GRHL2: variants seen among roughly 807,000 people sequenced by gnomAD.
GRHL2 encodes the protein grainyhead-like protein 2 homolog.
GRHL2 carries 21 observed loss-of-function variants against 83.8 expected under a neutral mutation model. The observed-to-expected ratio is 0.25, with a 90% confidence interval of 0.18 to 0.36. The LOEUF (loss-of-function observed/expected upper bound fraction) is 0.36. GRHL2 is among the 10% of genes least tolerant of loss of function. The probability of loss-of-function intolerance (pLI) is 1.00; values close to 1 mark genes in which losing one functional copy is unlikely to be tolerated. For synonymous variants in GRHL2, 280 were observed against 278.9 expected (o/e 1.00, Z -0.04); for missense variants, 623 against 781.8 (o/e 0.80, Z 2.42).
At position 101,534,483 on chromosome 8, in the gene GRHL2, A is replaced by G. The variant is rs570085994; in HGVS notation, c.21-8758A>G. The stretch of plus-strand genomic sequence containing the variant: ...GGAAGCTGCAGAGTTTTATTATCTA[A>G]CTCTGTGGTAATATAATATCACTTC... On this transcript the variant is annotated intron_variant, in intron 1 of 15. Transcript: ENST00000646743. Among the ~76,000 whole-genome samples the G allele has an allele frequency of 2.6e-5, 4 of 151,918 alleles. No homozygotes were observed. The South Asian group carries it at 8.4e-4, about 32-fold the overall frequency.
chr8:101,586,456 A>G (rs986096150), intron 7 of GRHL2, among the ~76,000 whole-genome samples: 2 of 151,830 alleles, frequency 1.3e-5, no homozygotes, highest in Non-Finnish European at 2.9e-5. Context: ...GACATCTCAC[A>G]CCTTGAGACC....
rs114740364 is a variant in GRHL2 at position 101,644,034 on chromosome 8, G to T, written c.1518-97G>T. ...GATCCAGTTACGGAGCATAGGGACG[G>T]TATAAGCAAAGGGAAAGACAGAAAC... On this transcript the variant is annotated intron_variant, in intron 12 of 15. Transcript: ENST00000646743. 390 of 1,063,472 alleles carry T rather than the reference G, an allele frequency of 3.7e-4. 3 individuals carry two copies. The African/African-American group carries it at 5.4e-3, about 15-fold the overall frequency. 65.9% of individuals were successfully genotyped at this position (1,063,472 alleles called of 1,614,324 possible).
intron 4 of GRHL2, among the ~76,000 whole-genome samples, chr8:101,566,594 TTA>T (rs1480317316): frequency 1.4e-5 from 2 of 148,022 alleles, no homozygotes; most frequent in Non-Finnish European, 3.0e-5. Flanking sequence ...AATAATATTA[TTA>T]TATATATTAT....
At position 101,607,462 on chromosome 8, in the gene GRHL2, T is replaced by C. The variant is rs78138082; in HGVS notation, c.1098+8311T>C. 3.9e-5 allele frequency among the ~76,000 whole-genome samples: 6 copies of C among 152,336 alleles called. No homozygotes were observed. In the East Asian group the frequency reaches 1.2e-3, roughly 29 times the overall value. On this transcript the variant is annotated intron_variant, in intron 8 of 15. Transcript: ENST00000646743. The stretch of plus-strand genomic sequence containing the variant: ...CAGTGCTTTTGTCTGGGGAGTTCTC[T>C]TTCTGCTTACAAGACAGTCTAGGAT...
rs1244770059 is a variant in GRHL2, at chr8:101,636,606, T to C, written c.1486-291T>C. ...GGAAGATTTGGCTTAATGCCATAGT[T>C]AATCTAATCAGACTGACTTTAGCTA... is the stretch of plus-strand genomic sequence containing the variant. On this transcript the variant is annotated intron_variant, in intron 11 of 15. Coordinates refer to ENST00000646743, the MANE Select transcript of GRHL2 (RefSeq NM_024915.4). 2.6e-5 allele frequency among the ~76,000 whole-genome samples: 4 copies of C among 152,302 alleles called. No homozygotes were observed. The East Asian group carries it at 7.7e-4, about 29-fold the overall frequency.
intron 6 of GRHL2, among the ~76,000 whole-genome samples, chr8:101,575,689 A>G (rs746386181): frequency 4.6e-5 from 7 of 152,224 alleles, no homozygotes; most frequent in Middle Eastern, 3.2e-3. Flanking sequence ...GCCATTATTT[A>G]TGCTAATTTA....
At chr8:101,664,217 C>T (rs1322147313) in intron 14 of GRHL2, among the ~76,000 whole-genome samples, 3 of 152,202 alleles carry the variant, frequency 2.0e-5, no homozygotes, top group Non-Finnish European at 4.4e-5. Flanking sequence ...TCTGACTGAC[C>T]TGGAACGCTA....
intron 9 of GRHL2, among the ~76,000 whole-genome samples, chr8:101,629,419 G>T (rs960659740): frequency 4.6e-5 from 7 of 151,550 alleles, no homozygotes; most frequent in African/African-American, 1.7e-4. Flanking sequence ...CTATGCACTG[G>T]GGAACAAAAA....
chr8:101,558,495 C>G lies in GRHL2; in HGVS notation c.361C>G (p.Pro121Ala), dbSNP rs772007070. 1 of 1,614,100 alleles carries G rather than the reference C, an allele frequency of 6.2e-7. No homozygotes were observed. ...ENRVQVLKTV[P>A]VNLSLNQDHL... Reference sequence around the variant, plus strand: ...CCGAGTGCAAGTCCTAAAGACTGTTCCAGTGAACCTTTCCCTAAATCAAGA... The same window carrying G: ...CCGAGTGCAAGTCCTAAAGACTGTTGCAGTGAACCTTTCCCTAAATCAAGA... The change falls in exon 4 of 16, where the codon CCA becomes GCA. Residue 121 changes from proline (P) to alanine (A), a missense_variant. This residue lies in a region of GRHL2 where 239 missense variants were observed against 240.5 expected (regional missense o/e 0.99). Transcript: ENST00000646743.
At chr8:101,555,587 C>G (rs1563578007) in intron 3 of GRHL2, among the ~76,000 whole-genome samples, 1 of 152,052 alleles carries the variant, frequency 6.6e-6, no homozygotes, top group Non-Finnish European at 1.5e-5. Context: ...TTGGCATCCT[C>G]CAACTAGCTG....
intron 1 of GRHL2, among the ~76,000 whole-genome samples, chr8:101,519,198 T>A (rs1810631901): frequency 6.6e-6 from 1 of 151,962 alleles, no homozygotes; most frequent in Non-Finnish European, 1.5e-5. Flanking sequence ...TTTTTTTTTT[T>A]AATTTTAAGA....
intron 14 of GRHL2, among the ~76,000 whole-genome samples, chr8:101,663,214 G>T (rs1424275197): frequency 6.6e-6 from 1 of 152,118 alleles, no homozygotes; most frequent in Non-Finnish European, 1.5e-5. Flanking sequence ...TTTCCAAGAG[G>T]TTGAGCATGT....
At chr8:101,566,163 T>A (rs1479334088) in intron 4 of GRHL2, among the ~76,000 whole-genome samples, 1 of 152,204 alleles carries the variant, frequency 6.6e-6, no homozygotes, top group Non-Finnish European at 1.5e-5. Context: ...TATGATGCAG[T>A]GGCTATGGTA....
At chr8:101,541,865 A>G (rs943614499) in intron 1 of GRHL2, among the ~76,000 whole-genome samples, 1 of 152,168 alleles carries the variant, frequency 6.6e-6, no homozygotes, top group Admixed American at 6.5e-5. Flanking sequence ...CTTGGTTAGG[A>G]TTGATTGACT....
chr8:101,515,208 A>G (rs1043008960), intron 1 of GRHL2, among the ~76,000 whole-genome samples: 14 of 145,112 alleles, frequency 9.6e-5, no homozygotes, highest in Non-Finnish European at 1.9e-4. Flanking sequence ...ACACACACAC[A>G]CATTAATATT....
rs1811820047 is a variant in GRHL2, at chr8:101,571,467, C to CAACATAGT, written c.734+1076_734+1083dup. On this transcript the variant is annotated intron_variant, in intron 5 of 15. Coordinates refer to ENST00000646743, the MANE Select transcript of GRHL2 (RefSeq NM_024915.4). ...CTCAGAAGTTCAAGACCAGCCTGGC[C>CAACATAGT]AACATAGTAAGACCCCATTACATAA... Among the ~76,000 whole-genome samples, 5 of 133,832 alleles carry CAACATAGT rather than the reference C, an allele frequency of 3.7e-5. No homozygotes were observed. The South Asian group carries it at 1.2e-3, about 32-fold the overall frequency. The allele number at this position is 133,832 out of a possible 152,430, so 87.8% of individuals were successfully genotyped here.
rs899684005 is a variant in GRHL2 at position 101,570,388 on chromosome 8, C to T, written c.728C>T (p.Thr243Ile). The T allele has an allele frequency of 1.2e-6, 2 of 1,613,376 alleles. No individual in the cohort carries two copies. Among genetic ancestry groups the T allele is most frequent in the African/African-American group, 2.7e-5 (2 of 74,928 alleles). The part of the protein sequence containing the change: ...VGAEEYMYDQ[T>I]SSGTFQYTLE... Reference sequence around the variant, plus strand: ...GCTGAGGAGTACATGTATGATCAGACATCAAGGTGAGTTACCAGGAGATGC... The same window carrying T: ...GCTGAGGAGTACATGTATGATCAGATATCAAGGTGAGTTACCAGGAGATGC... Residue 243 changes from threonine (T) to isoleucine (I), a missense_variant, in exon 5 of 16, where the codon ACA (threonine) becomes ATA (isoleucine). This residue lies in a region of GRHL2 where 239 missense variants were observed against 240.5 expected (regional missense o/e 0.99). Coordinates refer to ENST00000646743, the MANE Select transcript of GRHL2 (RefSeq NM_024915.4).
intron 14 of GRHL2, among the ~76,000 whole-genome samples, chr8:101,650,812 C>G (rs954294096): frequency 6.9e-6 from 1 of 144,848 alleles, no homozygotes; most frequent in South Asian, 2.1e-4. Flanking sequence ...TGATATCTAT[C>G]TATCTATCTA....
At chr8:101,557,934 G>A (rs905236446) in intron 3 of GRHL2, among the ~76,000 whole-genome samples, 1 of 152,054 alleles carries the variant, frequency 6.6e-6, no homozygotes, top group African/African-American at 2.4e-5. Context: ...GCGCCATCTC[G>A]ACTCACCACA....
Sources: gnomAD v4.1 joint callset for allele counts (sites outside exome capture counted in the v4.1 genomes callset) on GRCh38, gnomAD v4.1.1 for gene constraint, gnomAD v4.1.1 regional missense constraint, MANE v1.5 for transcripts, NCBI Gene and HGNC (gene_info 2026-07-23, HGNC 2026-07-21) for gene names.